PRKAB2: variants seen among roughly 807,000 people sequenced by gnomAD.
The protein encoded by PRKAB2 is protein kinase AMP-activated non-catalytic subunit beta 2.
Under a neutral mutation model 29.8 loss-of-function variants are expected in PRKAB2, and 18 were observed. The observed-to-expected ratio is 0.60, with a 90% confidence interval of 0.42 to 0.89. The LOEUF (loss-of-function observed/expected upper bound fraction) is 0.89, where lower values mean the gene tolerates loss of function less well. Among genes scored for constraint, PRKAB2 ranks in the 40% least tolerant of loss-of-function variants. The probability of loss-of-function intolerance (pLI) is 0.00; values close to 1 mark genes in which losing one functional copy is unlikely to be tolerated. For missense variants in PRKAB2, 270 were observed against 344.3 expected (o/e 0.78, Z 1.71); for synonymous variants, 136 against 125.9 (o/e 1.08, Z -0.54).
chr1:147,163,946 C>G (rs978925150), intron 5 of PRKAB2, among the ~76,000 whole-genome samples: 1 of 151,880 alleles, frequency 6.6e-6, no homozygotes, highest in Non-Finnish European at 1.5e-5. Context: ...GTTATTGTTT[C>G]TTTTTTGAGA....
intron 6 of PRKAB2, 97 bp downstream of exon 6, chr1:147,162,343 A>G: frequency 7.9e-7 from 1 of 1,268,698 alleles, no homozygotes; most frequent in Middle Eastern, 1.9e-4. Context: ...TAATCTCAAC[A>G]CACCTCTGTA....
chr1:147,166,501 T>C lies in PRKAB2; in HGVS notation c.535A>G (p.Arg179Gly), dbSNP rs781971645. The change falls in exon 5 of 8, where the codon AGA becomes GGA. Residue 179 changes from arginine to glycine, a missense_variant. Coordinates refer to ENST00000254101, the MANE Select transcript of PRKAB2 (RefSeq NM_005399.5). ...AGAGTAAATAATACAAAATTACCTC[T>C]ACAAGATGTCTCAGAACTTTCCATA... ...DSMESSETSC[R>G]DLSSSPPGPY... 1 of 1,613,192 alleles carries C rather than the reference T, an allele frequency of 6.2e-7. No homozygotes were observed.
At chr1:147,163,882 GAATAC>G (rs777828202) in intron 5 of PRKAB2, among the ~76,000 whole-genome samples, 2 of 151,996 alleles carry the variant, frequency 1.3e-5, no homozygotes, top group African/African-American at 4.8e-5. Context: ...ATGCAGACAA[GAATAC>G]AATATACAAA....
rs1654637216 is a variant in PRKAB2, at chr1:147,171,927, AGAG to A, written c.156+59_156+61del. On this transcript the variant is annotated intron_variant, in intron 2 of 7. Coordinates refer to ENST00000254101, the MANE Select transcript of PRKAB2 (RefSeq NM_005399.5). ...CGGTAGAAAAGAACCAAGAAAGGGA[AGAG>A]GAGCCCAGAAATCAACCCGCTGCAG... is the stretch of plus-strand genomic sequence containing the variant. 50 of 1,554,020 alleles carry A rather than the reference AGAG, an allele frequency of 3.2e-5. 1 individual carries two copies. In the South Asian group the frequency reaches 5.3e-4, roughly 17 times the overall value.
Position 147,162,559 on chromosome 1 carries a change from G to A in PRKAB2, c.553C>T (p.Pro185Ser). 1.9e-6 allele frequency: 3 copies of A among 1,610,292 alleles called. No individual in the cohort carries two copies. Among genetic ancestry groups the A allele is most frequent in the Non-Finnish European group, 2.5e-6 (3 of 1,178,140 alleles). Residue 185 changes from proline to serine, a missense_variant, in exon 6 of 8, where the codon CCC becomes TCC. By Grantham distance (74) the Pro-to-Ser change is moderately conservative. Around this residue, in one of 2 missense-constraint regions of PRKAB2, gnomAD observed 228 missense variants for 255.5 expected, o/e 0.89. Coordinates refer to ENST00000254101, the MANE Select transcript of PRKAB2 (RefSeq NM_005399.5). ...ETSCRDLSSSPPGPYGQEMYA... is the reference protein window; with the variant it reads ...ETSCRDLSSSSPGPYGQEMYA... ...ATTTCTTGACCATAAGGCCCTGGGG[G>A]TGAGCTGGAAAGGTCTGAAAGATAT...
At position 147,171,990 on chromosome 1, in the gene PRKAB2, T is replaced by C. The variant is rs1654651943; in HGVS notation, c.155A>G (p.Lys52Arg). Reference sequence around the variant, plus strand: ...CAACTGCGGGCATGGGACGCTTACCTTGGAGTCAGGGAGGCTGAACACGCT... The same window carrying C: ...CAACTGCGGGCATGGGACGCTTACCCTGGAGTCAGGGAGGCTGAACACGCT... ...DPSVFSLPDS[K>R]LPGDKEFVSW... The change falls in exon 2 of 8, where the codon AAG becomes AGG. Residue 52 changes from lysine (K) to arginine (R), a missense_variant and splice_region_variant. By Grantham distance (26) the Lys-to-Arg change is conservative (BLOSUM62 2). This residue lies in a region of PRKAB2 where 228 missense variants were observed against 255.5 expected (regional missense o/e 0.89). Transcript: ENST00000254101. 5.2e-5 allele frequency: 84 copies of C among 1,600,658 alleles called. No homozygotes were observed. Among genetic ancestry groups the C allele is most frequent in the Non-Finnish European group, 7.1e-5 (83 of 1,174,316 alleles).
Position 147,167,927 on chromosome 1 carries a change from C to CA in PRKAB2, c.162dup (p.Gly55TrpfsTer31). 1 of 1,611,082 alleles carries CA rather than the reference C, an allele frequency of 6.2e-7. No homozygotes were observed. The highest frequency in any genetic ancestry group is 1.1e-5 in the South Asian group (1 of 90,578). On this transcript the variant is annotated frameshift_variant, in exon 3 of 8. Coordinates refer to ENST00000254101, the MANE Select transcript of PRKAB2 (RefSeq NM_005399.5). LOFTEE classifies it high-confidence loss of function. ...TGCCATGATACAAACTCTTTGTCCC[C>CA]AGGGAGCTGTAAGAAGGAGTAGGTC...
Position 147,162,511 on chromosome 1 carries a change from T to C in PRKAB2, c.601A>G (p.Arg201Gly). The change falls in exon 6 of 8, where the codon AGA (arginine) becomes GGA (glycine). Residue 201 changes from arginine to glycine, a missense_variant. This residue lies in a region of PRKAB2 where 228 missense variants were observed against 255.5 expected (regional missense o/e 0.89). Transcript: ENST00000254101. ...QEMYAFRSEE[R>G]FKSPPILPPH... ...GGAAGGATGGGTGGGGATTTGAATC[T>C]TTCCTCAGATCGAAACGCATACATT... is the stretch of plus-strand genomic sequence containing the variant. 2.5e-6 allele frequency: 4 copies of C among 1,611,838 alleles called. No individual in the cohort carries two copies. Among genetic ancestry groups the C allele is most frequent in the Non-Finnish European group, 3.4e-6 (4 of 1,178,060 alleles).
At chr1:147,171,910 A>G (rs1553914442) in intron 2 of PRKAB2, 79 bp downstream of exon 2, 8 of 1,534,792 alleles carry the variant, frequency 5.2e-6, no homozygotes. Flanking sequence ...CGCGGTAGAA[A>G]AGAACCAAGA....
intron 7 of PRKAB2, chr1:147,160,807 AC>A (rs1405935382): frequency 1.3e-5 from 2 of 152,184 alleles, no homozygotes; most frequent in African/African-American, 4.8e-5. Context: ...TGGCAATTTG[AC>A]CTTCTCTGAG....
At position 147,159,412 on chromosome 1, in the gene PRKAB2, A is replaced by C. The variant is rs1211800726; in HGVS notation, c.*153T>G. On this transcript the variant is annotated 3_prime_UTR_variant, in exon 8 of 8. Coordinates refer to ENST00000254101, the MANE Select transcript of PRKAB2 (RefSeq NM_005399.5). ...ACTCATAAAGCTCTCATCTGCAATC[A>C]AATGCAAAAGCAGAGCATCCTACTC... 1.5e-5 allele frequency: 9 copies of C among 596,160 alleles called. No individual in the cohort carries two copies. The African/African-American group carries it at 1.7e-4, about 11-fold the overall frequency. The allele number at this position is 596,160 out of a possible 1,614,324, so 36.9% of individuals were successfully genotyped here.
chr1:147,158,426 T>C lies in PRKAB2; in HGVS notation c.*1139A>G, dbSNP rs1227845787. 1 of 152,074 alleles carries C rather than the reference T, an allele frequency of 6.6e-6. No individual in the cohort carries two copies. The highest frequency in any genetic ancestry group is 1.5e-5 in the Non-Finnish European group (1 of 68,014). 9.4% of individuals were successfully genotyped at this position (152,074 alleles called of 1,614,324 possible). On this transcript the variant is annotated 3_prime_UTR_variant, in exon 8 of 8. Coordinates refer to ENST00000254101, the MANE Select transcript of PRKAB2 (RefSeq NM_005399.5). The stretch of plus-strand genomic sequence containing the variant: ...AGTTTATCTAGAGCAGTGTTTAGTG[T>C]AGTGATGTGTACAGGGTTGGCCATA...
At chr1:147,162,360 C>T (rs587617937) in intron 6 of PRKAB2, 80 bp downstream of exon 6, 3 of 1,404,262 alleles carry the variant, frequency 2.1e-6, no homozygotes, top group Admixed American at 4.3e-5. Flanking sequence ...TGTAGTAATC[C>T]TAACCTCTAG....
intron 4 of PRKAB2, 87 bp downstream of exon 4, chr1:147,166,759 G>C: frequency 6.5e-7 from 1 of 1,544,648 alleles, no homozygotes; most frequent in Non-Finnish European, 8.9e-7. Flanking sequence ...CCAGTGTAGG[G>C]GAGCAGCTGC....
In PRKAB2 at chr1:147,167,191, C is replaced by T. The variant is rs371870085; in HGVS notation, c.324-252G>A. Among the ~76,000 whole-genome samples, 81 of 152,284 alleles carry T rather than the reference C, an allele frequency of 5.3e-4. 2 individuals are homozygous for T. In the East Asian group the frequency reaches 0.015, roughly 29 times the overall value. On this transcript the variant is annotated intron_variant, in intron 3 of 7. Coordinates refer to ENST00000254101, the MANE Select transcript of PRKAB2 (RefSeq NM_005399.5). ...AAAGAATAATAAAAACATTAATCCCCTCAAATGGTTCACCTTAGTATAACT... is the reference window on the plus strand; with the variant it reads ...AAAGAATAATAAAAACATTAATCCCTTCAAATGGTTCACCTTAGTATAACT...
intron 3 of PRKAB2, among the ~76,000 whole-genome samples, chr1:147,167,415 A>T (rs1654303072): frequency 6.6e-6 from 1 of 152,218 alleles, no homozygotes; most frequent in African/African-American, 2.4e-5. Context: ...TGACTACCTA[A>T]AAATTCAAAA....
rs1553912394 is a variant in PRKAB2, at chr1:147,156,044, G to A, written c.*3521C>T. ...AAGACCCTAATGGCTACCCCTCCCAGGTCCTGCATTCCATGGGTAACTGGA... is the reference window on the plus strand; with the variant it reads ...AAGACCCTAATGGCTACCCCTCCCAAGTCCTGCATTCCATGGGTAACTGGA... On this transcript the variant is annotated 3_prime_UTR_variant, in exon 8 of 8. Transcript: ENST00000254101. The A allele has an allele frequency of 6.6e-6, 1 of 152,368 alleles. No individual in the cohort carries two copies. The highest frequency in any genetic ancestry group is 1.5e-5 in the Non-Finnish European group (1 of 67,994). 9.4% of individuals were successfully genotyped at this position (152,368 alleles called of 1,614,324 possible). A position where few individuals can be genotyped will look rare whatever the true frequency, so the allele number is the denominator to read the frequency against.
rs2101628081 is a variant in PRKAB2 at position 147,167,865 on chromosome 1, C to A, written c.225G>T (p.Gln75His). Residue 75 changes from glutamine (Q) to histidine (H), a missense_variant, in exon 3 of 8, where the codon CAG becomes CAT. Transcript: ENST00000254101. ...ACCAGCGGATAACAGTGGGCCGGGC[C>A]TGCTGTGTGGGCTTTACGGAGTCCT... is the stretch of plus-strand genomic sequence containing the variant. The part of the protein sequence containing the change: ...DLEDSVKPTQ[Q>H]ARPTVIRWSE... The A allele has an allele frequency of 6.2e-7, 1 of 1,614,180 alleles. No individual in the cohort carries two copies. The highest frequency in any genetic ancestry group is 8.5e-7 in the Non-Finnish European group (1 of 1,180,022).
At chr1:147,161,856 C>T (rs1329732655) in intron 6 of PRKAB2, 76 bp from the exon 7 acceptor site, 3 of 1,192,336 alleles carry the variant, frequency 2.5e-6, no homozygotes, top group Non-Finnish European at 3.6e-6. Context: ...ACAGCTTACT[C>T]TTCCTCAGAG....
Sources: gnomAD v4.1 joint callset for allele counts (sites outside exome capture counted in the v4.1 genomes callset) on GRCh38, gnomAD v4.1.1 for gene constraint, gnomAD v4.1.1 regional missense constraint, MANE v1.5 for transcripts, NCBI Gene and HGNC (gene_info 2026-07-23, HGNC 2026-07-21) for gene names.